Variants in ATP2C2 observed in about 807,000 individuals in gnomAD.
ATP2C2 encodes the protein calcium-transporting ATPase type 2C member 2.
Under a neutral mutation model 110.8 loss-of-function variants are expected in ATP2C2, and 171 were observed. The observed-to-expected ratio is 1.54, with a 90% CI of 1.36 to 1.75. The LOEUF (loss-of-function observed/expected upper bound fraction) is 1.75. ATP2C2 is among the 40% of genes most tolerant of loss of function. The pLI, the probability that ATP2C2 is intolerant of heterozygous loss-of-function variation, is 0.00. For synonymous variants in ATP2C2, 804 were observed against 508.4 expected, an observed-to-expected ratio of 1.58 and a Z score of -7.82; for missense variants, 1,963 against 1,235.0, an observed-to-expected ratio of 1.59 and a Z score of -8.84.
chr16:84,461,546 G>T (rs1390577519), intron 24 of ATP2C2, 168 bp from the exon 25 acceptor site: 12 of 694,516 alleles, frequency 1.7e-5, no homozygotes, highest in Non-Finnish European at 1.6e-5. Flanking sequence ...AGACCCTGGG[G>T]TAGCAGCCAC....
At chr16:84,399,439 C>T (rs1309205346) in intron 2 of ATP2C2, among the ~76,000 whole-genome samples, 1 of 152,182 alleles carries the variant, frequency 6.6e-6, no homozygotes, top group Non-Finnish European at 1.5e-5. Context: ...GTTTCCTCTA[C>T]CAGCAAGTAC....
intron 7 of ATP2C2, among the ~76,000 whole-genome samples, chr16:84,418,768 C>T (rs1597800346): frequency 1.3e-5 from 2 of 152,322 alleles, no homozygotes; most frequent in East Asian, 3.9e-4. Flanking sequence ...CTGGCACTGC[C>T]TCTCCCCCTG....
chr16:84,391,128 A>AAAC (rs1248789069), intron 1 of ATP2C2, among the ~76,000 whole-genome samples: 1 of 151,394 alleles, frequency 6.6e-6, no homozygotes, highest in Non-Finnish European at 1.5e-5. Context: ...AAAAAAAAAA[A>AAAC]AAAAAAGAAG....
chr16:84,459,679 C>G, intron 23 of ATP2C2: 4 of 1,205,542 alleles, frequency 3.3e-6, no homozygotes, highest in African/African-American at 1.5e-5. Context: ...TTCCAGTCAC[C>G]AGTCACTGCC....
intron 26 of ATP2C2, among the ~76,000 whole-genome samples, chr16:84,463,173 C>T (rs547610841): frequency 2.0e-5 from 3 of 150,660 alleles, no homozygotes; most frequent in African/African-American, 4.9e-5. Context: ...GTGACAGGAG[C>T]AGAGGGAGAC....
intron 16 of ATP2C2, 58 bp from the exon 17 acceptor site, chr16:84,448,475 G>C: frequency 6.5e-7 from 1 of 1,549,100 alleles, no homozygotes; most frequent in South Asian, 1.2e-5. Flanking sequence ...TGGGGTGATG[G>C]TCAGTATGAA....
rs867119800 is a variant in ATP2C2 at position 84,463,847 on chromosome 16, G to A, written c.*115G>A. On this transcript the variant is annotated 3_prime_UTR_variant, in exon 27 of 27. Transcript: ENST00000262429. ...AGGAGGCCGCAGCCTTCCATCACCG[G>A]ATCAGTTTTTCCTCTTAGGAAAGCT... is the stretch of plus-strand genomic sequence containing the variant. 4.2e-6 allele frequency: 4 copies of A among 944,948 alleles called. No homozygotes were observed. Among genetic ancestry groups the A allele is most frequent in the Non-Finnish European group, 3.3e-6 (2 of 611,672 alleles). 58.5% of individuals were successfully genotyped at this position (944,948 alleles called of 1,614,324 possible).
intron 21 of ATP2C2, among the ~76,000 whole-genome samples, chr16:84,456,541 G>A: frequency 8.1e-6 from 1 of 123,418 alleles, no homozygotes; most frequent in Admixed American, 8.8e-5. Flanking sequence ...AGGAAAAGAG[G>A]AAGTCAAATT....
chr16:84,411,122 A>G (rs1056782988), intron 6 of ATP2C2, among the ~76,000 whole-genome samples: 1 of 152,106 alleles, frequency 6.6e-6, no homozygotes, highest in African/African-American at 2.4e-5. Flanking sequence ...GTTTATTTGA[A>G]TTCTCAATGA....
chr16:84,439,567 C>T, intron 13 of ATP2C2, 43 bp downstream of exon 13: 1 of 1,556,954 alleles, frequency 6.4e-7, no homozygotes, highest in Non-Finnish European at 8.9e-7. Context: ...ATGCACCCAG[C>T]CAGGCTGTCT....
At chr16:84,412,777 C>A (rs538577373) in intron 6 of ATP2C2, among the ~76,000 whole-genome samples, 1 of 151,814 alleles carries the variant, frequency 6.6e-6, no homozygotes, top group Non-Finnish European at 1.5e-5. Context: ...CCCGAACATA[C>A]CTGGCTGCTC....
Position 84,454,930 on chromosome 16 carries a change from TCAG to T in ATP2C2, c.2096_2098del (p.Ser699del). 6.2e-7 allele frequency: 1 copy of T among 1,613,968 alleles called. No individual in the cohort carries two copies. The highest frequency in any genetic ancestry group is 8.5e-7 in the Non-Finnish European group (1 of 1,179,950). On this transcript the variant is annotated inframe_deletion, in exon 21 of 27. Transcript: ENST00000262429. The stretch of plus-strand genomic sequence containing the variant: ...GCCATGGGGCAGACAGGGACGGACG[TCAG>T]CAAAGAGGCCGCCAACATGATCCTG...
At chr16:84,391,808 A>G (rs1448994265) in intron 1 of ATP2C2, among the ~76,000 whole-genome samples, 1 of 152,088 alleles carries the variant, frequency 6.6e-6, no homozygotes, top group Non-Finnish European at 1.5e-5. Context: ...AGCCGTGGAG[A>G]CCAAGCAGCC....
In ATP2C2 at chr16:84,428,617, C is replaced by A. The variant is rs533572362; in HGVS notation, c.986+2816C>A. The stretch of plus-strand genomic sequence containing the variant: ...TGGGCACACAGATGTGATAAAAATC[C>A]TAAAAGCAAAATACAAATGACAGAC... On this transcript the variant is annotated intron_variant, in intron 11 of 26. Transcript: ENST00000262429. Among the ~76,000 whole-genome samples the A allele has an allele frequency of 1.8e-4, 28 of 152,142 alleles. No individual in the cohort carries two copies. In the South Asian group the frequency reaches 5.4e-3, roughly 29 times the overall value.
rs1172766043 is a variant in ATP2C2, at chr16:84,450,083, C to G, written c.1660+1394C>G. Among the ~76,000 whole-genome samples the G allele has an allele frequency of 2.6e-5, 4 of 152,252 alleles. No homozygotes were observed. In the East Asian group the frequency reaches 5.8e-4, roughly 22 times the overall value. Reference sequence around the variant, plus strand: ...CGCGTTCCAGGGACTTGCTCCAGGCCTTGCGGGAGAGCGTAATGAGAACGG... The same window carrying G: ...CGCGTTCCAGGGACTTGCTCCAGGCGTTGCGGGAGAGCGTAATGAGAACGG... On this transcript the variant is annotated intron_variant, in intron 17 of 26. Coordinates refer to ENST00000262429, the MANE Select transcript of ATP2C2 (RefSeq NM_014861.4).
chr16:84,402,448 A>G (rs1905390842), intron 2 of ATP2C2, among the ~76,000 whole-genome samples: 1 of 152,158 alleles, frequency 6.6e-6, no homozygotes, highest in Admixed American at 6.5e-5. Context: ...TCTGTCATAT[A>G]TGGCTTTTAT....
chr16:84,390,658 G>A (rs1904600267), intron 1 of ATP2C2, among the ~76,000 whole-genome samples: 1 of 152,142 alleles, frequency 6.6e-6, no homozygotes, highest in African/African-American at 2.4e-5. Flanking sequence ...CCTGGGCACA[G>A]GATTTTCCTC....
intron 16 of ATP2C2, among the ~76,000 whole-genome samples, chr16:84,447,268 A>G (rs1909837436): frequency 6.6e-6 from 1 of 152,158 alleles, no homozygotes; most frequent in South Asian, 2.1e-4. Flanking sequence ...GGATGGACAC[A>G]TGTACATTTC....
chr16:84,461,662 A>T (rs1911352406), intron 24 of ATP2C2, 52 bp from the exon 25 acceptor site: 7 of 1,527,670 alleles, frequency 4.6e-6, no homozygotes, highest in Non-Finnish European at 6.4e-6. Flanking sequence ...TTGGTTCAGG[A>T]TGGAGGTTGT....
Sources: allele counts gnomAD v4.1 joint callset (sites outside exome capture counted in the v4.1 genomes callset), GRCh38; gene constraint gnomAD v4.1.1; transcripts MANE v1.5; gene names NCBI Gene and HGNC (gene_info 2026-07-23, HGNC 2026-07-21).